Variants in FRMPD4 observed in about 807,000 individuals in gnomAD.
The protein encoded by FRMPD4 is FERM and PDZ domain-containing protein 4.
A neutral mutation model predicts 94.1 loss-of-function variants in FRMPD4; 22 were observed. That is an observed-to-expected ratio of 0.23 (90% CI 0.17 to 0.33). The LOEUF (loss-of-function observed/expected upper bound fraction) is 0.33. Ranked by LOEUF, FRMPD4 falls within the 10% of genes least tolerant of loss-of-function variation. The pLI is 1.00. For synonymous variants in FRMPD4, 631 were observed against 548.6 expected (o/e 1.15, Z -2.10); for missense variants, 1,111 against 1,339.9 (o/e 0.83, Z 2.67).
chrX:12,613,411 T>C (rs2059202452), intron 3 of FRMPD4, among the ~76,000 whole-genome samples: 1 of 112,381 alleles, frequency 8.9e-6, no homozygotes, highest in Non-Finnish European at 1.9e-5. Context: ...TTCTTTAACC[T>C]GTGTAAGCCT....
intron 3 of FRMPD4, among the ~76,000 whole-genome samples, chrX:11,924,725 A>G (rs2054076540): frequency 8.9e-6 from 1 of 112,123 alleles, no homozygotes; most frequent in Admixed American, 9.5e-5. Context: ...ATTTGTTACC[A>G]CTAGACCTGC....
intron 3 of FRMPD4, among the ~76,000 whole-genome samples, chrX:11,963,092 G>A (rs2054292138): frequency 1.1e-5 from 1 of 87,160 alleles, no homozygotes; most frequent in African/African-American, 3.8e-5. Context: ...TGTATACTAG[G>A]GTGGGCAAGT....
intron 2 of FRMPD4, among the ~76,000 whole-genome samples, chrX:12,579,707 A>G (rs2058846353): frequency 8.9e-6 from 1 of 112,456 alleles, no homozygotes; most frequent in African/African-American, 3.2e-5. Flanking sequence ...TTATTGAGTT[A>G]GTACCTTTTC....
chrX:11,918,207 TGTTTAA>T (rs1445696546), intron 3 of FRMPD4, among the ~76,000 whole-genome samples: 2 of 113,180 alleles, frequency 1.8e-5, no homozygotes, highest in African/African-American at 6.4e-5. Flanking sequence ...TTTTATAAAA[TGTTTAA>T]GTTTAGTTGT....
chrX:12,177,167 C>A (rs778048363), intron 1 of FRMPD4, among the ~76,000 whole-genome samples: 1 of 111,885 alleles, frequency 8.9e-6, no homozygotes, highest in Non-Finnish European at 1.9e-5. Context: ...ATTATTCATT[C>A]TAAAATATTA....
chrX:12,068,760 T>G lies in FRMPD4; in HGVS notation c.95+190742T>G, dbSNP rs144230792. 8.0e-5 allele frequency among the ~76,000 whole-genome samples: 9 copies of G among 112,491 alleles called. No individual in the cohort carries two copies. The East Asian group carries it at 2.5e-3, about 31-fold the overall frequency. ...ATAATTGGTTAACTTGTCGATTAGT[T>G]GATTAATGGATTGAATGCTATTAAA... On this transcript the variant is annotated intron_variant, in intron 3 of 18. Coordinates refer to the FRMPD4 transcript ENST00000640291.
At chrX:12,424,961 G>GT (rs35391431) in intron 1 of FRMPD4, among the ~76,000 whole-genome samples, 22,006 of 111,297 alleles carry the variant, frequency 0.2, 1,654 homozygotes, top group South Asian at 0.3. Context: ...CAGTAATTCA[G>GT]TTTTTTTTCC....
intron 1 of FRMPD4, among the ~76,000 whole-genome samples, chrX:12,286,457 T>C (rs1488733715): frequency 8.9e-6 from 1 of 112,044 alleles, no homozygotes; most frequent in Non-Finnish European, 1.9e-5. Flanking sequence ...TTAAATGATA[T>C]GAATAAGATC....
At chrX:11,978,643 A>C (rs769966419) in intron 3 of FRMPD4, among the ~76,000 whole-genome samples, 2 of 112,176 alleles carry the variant, frequency 1.8e-5, no homozygotes, top group Non-Finnish European at 3.8e-5. Context: ...TATGAGCACT[A>C]TAAGTCTGGG....
At chrX:12,253,261 G>A (rs2054068366) in intron 1 of FRMPD4, among the ~76,000 whole-genome samples, 1 of 112,263 alleles carries the variant, frequency 8.9e-6, no homozygotes, top group South Asian at 3.7e-4. Context: ...AGCTCAGCTG[G>A]AAACAGCGAG....
At chrX:12,033,289 G>C (rs963577449) in intron 3 of FRMPD4, among the ~76,000 whole-genome samples, 1 of 111,809 alleles carries the variant, frequency 8.9e-6, no homozygotes, top group African/African-American at 3.3e-5. Context: ...GAAAATAGTA[G>C]AGTGATCAAG....
At chrX:12,306,379 T>C (rs1377302648) in intron 1 of FRMPD4, among the ~76,000 whole-genome samples, 2 of 112,076 alleles carry the variant, frequency 1.8e-5, no homozygotes, top group Non-Finnish European at 3.8e-5. Flanking sequence ...CAGCTCCTAG[T>C]GCAGGACCTT....
At chrX:12,076,932 T>C (rs1049868303) in intron 3 of FRMPD4, among the ~76,000 whole-genome samples, 1 of 112,130 alleles carries the variant, frequency 8.9e-6, no homozygotes, top group Non-Finnish European at 1.9e-5. Flanking sequence ...CAAGTTTGTA[T>C]TATTTTAATA....
In FRMPD4 at chrX:12,476,874, A is replaced by C. The variant is rs777140548; in HGVS notation, c.42-21806A>C. Among the ~76,000 whole-genome samples the C allele has an allele frequency of 4.5e-5, 5 of 111,999 alleles. No individual in the cohort carries two copies. The South Asian group carries it at 1.1e-3, about 25-fold the overall frequency. On this transcript the variant is annotated intron_variant, in intron 1 of 16. Coordinates refer to ENST00000675598, the MANE Select transcript of FRMPD4 (RefSeq NM_001368397.1). ...ACTTTTACACTGTTGGTGGGACTGT[A>C]AACTAGTTCAACCATTGTGGAAGAC...
intron 4 of FRMPD4, among the ~76,000 whole-genome samples, chrX:12,621,926 GAGAA>G (rs1175875921): frequency 5.5e-5 from 5 of 91,661 alleles, no homozygotes; most frequent in Admixed American, 1.3e-4. Context: ...GAAAGGAAGG[GAGAA>G]AGAAAGAAAG....
intron 3 of FRMPD4, among the ~76,000 whole-genome samples, chrX:12,127,554 T>A (rs576491765): frequency 1.4e-4 from 16 of 111,764 alleles, no homozygotes; most frequent in African/African-American, 4.6e-4. Context: ...TAATTCAAGA[T>A]GAGAGTTGGA....
chrX:11,992,417 T>C (rs1183222385), intron 3 of FRMPD4, among the ~76,000 whole-genome samples: 2 of 111,702 alleles, frequency 1.8e-5, no homozygotes, highest in African/African-American at 6.5e-5. Context: ...GCTATTGCTG[T>C]GGCCATGTTT....
Position 12,139,606 on chromosome X carries a change from A to C in FRMPD4, c.41+594A>C, listed in dbSNP as rs191578593. 3.7e-4 allele frequency among the ~76,000 whole-genome samples: 41 copies of C among 110,561 alleles called. No homozygotes were observed. In the East Asian group the frequency reaches 0.011, roughly 30 times the overall value. On this transcript the variant is annotated intron_variant, in intron 1 of 16. Transcript: ENST00000675598. ...CGAAAGATTTAGAAATTTTCTTCTA[A>C]GTGGCCATGTTGTTAAAACAGTAGC...
chrX:12,229,029 A>G lies in FRMPD4; in HGVS notation c.41+90017A>G, dbSNP rs781034230. Among the ~76,000 whole-genome samples, 5 of 112,434 alleles carry G rather than the reference A, an allele frequency of 4.4e-5. No homozygotes were observed. In the East Asian group the frequency reaches 8.3e-4, roughly 19 times the overall value. On this transcript the variant is annotated intron_variant, in intron 1 of 16. Transcript: ENST00000675598. Reference sequence around the variant, plus strand: ...TATCTCTTGTTTTCACAAATCATATATCAAAATTTATACGTGAAAGCTTCT... The same window carrying G: ...TATCTCTTGTTTTCACAAATCATATGTCAAAATTTATACGTGAAAGCTTCT...
Sources: gnomAD v4.1 joint callset for allele counts (sites outside exome capture counted in the v4.1 genomes callset) on GRCh38, gnomAD v4.1.1 for gene constraint, MANE v1.5 for transcripts, NCBI Gene and HGNC (gene_info 2026-07-23, HGNC 2026-07-21) for gene names.